The following TREM1 variants were observed in gnomAD, a reference collection of about 807,000 sequenced individuals.
TREM1 encodes triggering receptor expressed on monocytes 1.
Under a neutral mutation model 22.4 loss-of-function variants are expected in TREM1, and 16 were observed. The ratio of observed to expected loss-of-function variants is 0.71; its 90% CI spans 0.48 to 1.08. TREM1 has a LOEUF of 1.08. Among genes scored for constraint, TREM1 ranks in the 50% least tolerant of loss-of-function variants. The pLI is 0.00. For missense variants in TREM1, 283 were observed against 282.9 expected, an observed-to-expected ratio of 1.00 and a Z score of 0.00; for synonymous variants, 110 against 111.6, an observed-to-expected ratio of 0.99 and a Z score of 0.09.
At chr6:41,271,175 C>T (rs1208347857), downstream of TREM1, among the ~76,000 whole-genome samples, 6 of 152,160 alleles carry the variant, frequency 3.9e-5, no homozygotes, top group East Asian at 1.9e-4. Flanking sequence ...CTAAATATCA[C>T]GGATCACCCT....
intron 2 of TREM1, 29 bp from the exon 3 acceptor site, chr6:41,281,182 T>TGGAC (rs2113987138): frequency 6.2e-7 from 1 of 1,605,218 alleles, no homozygotes; most frequent in East Asian, 2.2e-5. Context: ...GATGGATGGA[T>TGGAC]GGACAGATGG....
intron 2 of TREM1, 63 bp from the exon 3 acceptor site, chr6:41,281,216 GTGAATGGA>G (rs1767908787): frequency 1.3e-6 from 2 of 1,550,198 alleles, no homozygotes; most frequent in African/African-American, 2.7e-5. Context: ...GGATGGGTGG[GTGAATGGA>G]TGTATGGATG....
chr6:41,279,467 C>T, intron 3 of TREM1: 1 of 954,254 alleles, frequency 1.0e-6, no homozygotes, highest in Non-Finnish European at 1.2e-6. Context: ...AGAATATGGG[C>T]AAAGATTATG....
intron 3 of TREM1, chr6:41,279,808 A>G (rs1235448593): frequency 8.1e-6 from 8 of 985,366 alleles, no homozygotes; most frequent in African/African-American, 5.2e-5. Flanking sequence ...ATTGTTTCCA[A>G]TCTTTTGGAA....
At chr6:41,278,863 A>G (rs1767781080) in intron 3 of TREM1, among the ~76,000 whole-genome samples, 1 of 152,152 alleles carries the variant, frequency 6.6e-6, no homozygotes, top group East Asian at 1.9e-4. Flanking sequence ...TTCATGCTGA[A>G]TCATGGAGCA....
At chr6:41,282,301 G>T in intron 2 of TREM1, 94 bp downstream of exon 2, 2 of 987,588 alleles carry the variant, frequency 2.0e-6, no homozygotes, top group South Asian at 1.5e-5. Flanking sequence ...AAGACAGACT[G>T]CTGGGAATCC....
intron 3 of TREM1, chr6:41,280,487 T>G: frequency 9.8e-7 from 1 of 1,020,136 alleles, no homozygotes; most frequent in Admixed American, 5.1e-5. Context: ...CTGCTGAGAG[T>G]TATTAGGTGG....
At chr6:41,271,466 C>A (rs1249444719), downstream of TREM1, among the ~76,000 whole-genome samples, 1 of 152,222 alleles carries the variant, frequency 6.6e-6, no homozygotes, top group Non-Finnish European at 1.5e-5. Context: ...CCCTTCTGTG[C>A]CCTGCTAGAG....
intron 3 of TREM1, chr6:41,279,593 C>T (rs1212474531): frequency 1.0e-6 from 1 of 985,164 alleles, no homozygotes. Flanking sequence ...GTTCCCCAAA[C>T]AACATAATGG....
chr6:41,268,140 T>C (rs957158302), intron 3 of TREM1: 46 of 398,426 alleles, frequency 1.2e-4, no homozygotes, highest in Non-Finnish European at 1.9e-4. Flanking sequence ...ATACAGGAGA[T>C]AGGCAAGGAC....
At chr6:41,283,339 G>A (rs925140696) in intron 1 of TREM1, among the ~76,000 whole-genome samples, 5 of 152,106 alleles carry the variant, frequency 3.3e-5, no homozygotes, top group South Asian at 2.1e-4. Context: ...CCAAGGGAAC[G>A]ATCCTGTGTG....
At chr6:41,271,730 G>C (rs1336045162), downstream of TREM1, among the ~76,000 whole-genome samples, 1 of 152,154 alleles carries the variant, frequency 6.6e-6, no homozygotes, top group Non-Finnish European at 1.5e-5. Context: ...AGTCCCTCCT[G>C]GGTCAGGCTG....
intron 3 of TREM1, chr6:41,280,464 C>A: frequency 9.9e-7 from 1 of 1,006,258 alleles, no homozygotes; most frequent in South Asian, 4.3e-5. Context: ...GCATTTAGCC[C>A]CAGCTCCAGC....
chr6:41,281,086 G>A lies in TREM1; in HGVS notation c.474C>T (p.Thr158=), dbSNP rs1740078245. The A allele has an allele frequency of 6.2e-7, 1 of 1,614,254 alleles. No homozygotes were observed. ...TATAGAGTGGGCACAAGGCCTTAGT[G>A]GTGGTAGGAGGAATCTTATACACAT... The part of the protein sequence containing the change: ...TQNVYKIPPT[T]TKALCPLYTS... Residue 158 remains threonine (T), a synonymous_variant, in exon 3 of 4, where the codon ACC becomes ACT. Transcript: ENST00000244709.
intron 3 of TREM1, 38 bp downstream of exon 3, chr6:41,280,923 G>T: frequency 1.2e-6 from 2 of 1,614,008 alleles, no homozygotes; most frequent in Non-Finnish European, 1.7e-6. Context: ...AAAGGGCTCA[G>T]TGTCCAAACC....
At chr6:41,270,330 G>C (rs998954071), downstream of TREM1, 2 of 152,280 alleles carry the variant, frequency 1.3e-5, no homozygotes, top group African/African-American at 4.8e-5. Flanking sequence ...CACAGACAAA[G>C]AGTATTCCTA....
downstream of TREM1, among the ~76,000 whole-genome samples, chr6:41,272,016 C>T (rs918709350): frequency 3.3e-5 from 5 of 152,288 alleles, no homozygotes; most frequent in East Asian, 5.8e-4. Flanking sequence ...TGCTGTCTGC[C>T]GGCTGGCCCA....
intron 3 of TREM1, 175 bp downstream of exon 3, chr6:41,280,786 A>T: frequency 6.8e-7 from 1 of 1,468,092 alleles, no homozygotes; most frequent in Non-Finnish European, 9.0e-7. Context: ...AGCCTCCCCT[A>T]TTCTCCATCA....
downstream of TREM1, among the ~76,000 whole-genome samples, chr6:41,271,054 T>C (rs1767467714): frequency 6.6e-6 from 1 of 152,124 alleles, no homozygotes; most frequent in South Asian, 2.1e-4. Flanking sequence ...ACAGATGCTC[T>C]TCCCATTCTT....
Sources: allele counts gnomAD v4.1 joint callset (sites outside exome capture counted in the v4.1 genomes callset), GRCh38; gene constraint gnomAD v4.1.1; transcripts MANE v1.5; gene names NCBI Gene and HGNC (gene_info 2026-07-23, HGNC 2026-07-21).